The following HHAT variants were observed in gnomAD, a reference collection of about 807,000 sequenced individuals.
The protein encoded by HHAT is hedgehog acyltransferase.
Under a neutral mutation model 70.8 loss-of-function variants are expected in HHAT, and 47 were observed. That is an observed-to-expected ratio of 0.66 (90% CI 0.53 to 0.85). HHAT has a LOEUF of 0.85. HHAT is among the 40% of genes least tolerant of loss of function. The pLI, the probability that HHAT is intolerant of heterozygous loss-of-function variation, is 0.00. For synonymous variants in HHAT, 228 were observed against 247.6 expected (o/e 0.92, Z 0.74); for missense variants, 609 against 604.8 (o/e 1.01, Z -0.07).
At chr1:210,454,099 C>A (rs1272585653) in intron 7 of HHAT, among the ~76,000 whole-genome samples, 1 of 152,122 alleles carries the variant, frequency 6.6e-6, no homozygotes, top group Non-Finnish European at 1.5e-5. Context: ...AAAGACTGGC[C>A]CCCGTGATTC....
chr1:210,466,902 C>G (rs1378092871), intron 8 of HHAT, among the ~76,000 whole-genome samples: 2 of 152,152 alleles, frequency 1.3e-5, no homozygotes, highest in Admixed American at 6.5e-5. Flanking sequence ...GCTGCTGAAA[C>G]AGTCTCTCCT....
intron 9 of HHAT, among the ~76,000 whole-genome samples, chr1:210,526,931 G>A (rs1261037216): frequency 6.6e-6 from 1 of 152,078 alleles, no homozygotes; most frequent in Non-Finnish European, 1.5e-5. Context: ...CACTTAGATG[G>A]GGACACTAGG....
intron 8 of HHAT, among the ~76,000 whole-genome samples, chr1:210,467,211 T>C (rs1019597212): frequency 1.3e-5 from 2 of 152,228 alleles, no homozygotes; most frequent in Non-Finnish European, 2.9e-5. Flanking sequence ...CATTCCATAC[T>C]AAGTAGTTAA....
chr1:210,367,993 C>T (rs571221791), intron 3 of HHAT, among the ~76,000 whole-genome samples: 1 of 144,684 alleles, frequency 6.9e-6, no homozygotes, highest in East Asian at 2.2e-4. Context: ...GGTGATCTGT[C>T]GTTGTATTTG....
chr1:210,344,720 G>T (rs2086356088), intron 1 of HHAT, among the ~76,000 whole-genome samples: 1 of 152,048 alleles, frequency 6.6e-6, no homozygotes, highest in Non-Finnish European at 1.5e-5. Flanking sequence ...GGGTCTTTAG[G>T]CTCCTTCAGC....
rs2294849 is a variant in HHAT, at chr1:210,418,275, C to T, written c.806C>T (p.Ala269Val). 1 of 1,612,256 alleles carries T rather than the reference C, an allele frequency of 6.2e-7. No homozygotes were observed. The highest frequency in any genetic ancestry group is 8.5e-7 in the Non-Finnish European group (1 of 1,179,164). Reference protein sequence around the residue: ...ELMAHLMYMHAIYSSIPLLET... With the variant: ...ELMAHLMYMHVIYSSIPLLET... ...ATGGCTCACCTGATGTACATGCATG[C>T]CATCTACAGCAGCATCCCCCTCCTG... The change falls in exon 7 of 12, where the codon GCC becomes GTC. Residue 269 changes from alanine (A) to valine (V), a missense_variant. Ala to Val is a moderately conservative substitution (Grantham distance 64). Transcript: ENST00000261458.
intron 1 of HHAT, among the ~76,000 whole-genome samples, chr1:210,340,242 G>GGGGGGAAAAAAAAAAAAAA (rs1553313987): frequency 2.0e-5 from 2 of 99,784 alleles, no homozygotes; most frequent in African/African-American, 6.8e-5. Flanking sequence ...CTCTGTCTCA[G>GGGGGGAAAAAAAAAAAAAA]AAAAAAAAAA....
intron 11 of HHAT, among the ~76,000 whole-genome samples, chr1:210,666,896 T>C (rs1286546746): frequency 6.6e-6 from 1 of 151,576 alleles, no homozygotes; most frequent in Non-Finnish European, 1.5e-5. Flanking sequence ...ACCGAGACCA[T>C]GGTGAAACCC....
chr1:210,611,748 A>G (rs1471561665), intron 10 of HHAT, among the ~76,000 whole-genome samples: 2 of 152,140 alleles, frequency 1.3e-5, no homozygotes, highest in African/African-American at 4.8e-5. Context: ...CCTTTTCTGC[A>G]TCTATTGTGA....
intron 9 of HHAT, among the ~76,000 whole-genome samples, chr1:210,570,595 T>C (rs1237669550): frequency 6.6e-6 from 1 of 152,034 alleles, no homozygotes; most frequent in Non-Finnish European, 1.5e-5. Context: ...GGAGTGCGTG[T>C]GGAGTGGAGC....
In HHAT at chr1:210,500,204, G is replaced by A. The variant is rs79869185; in HGVS notation, c.1008-12949G>A. On this transcript the variant is annotated intron_variant, in intron 8 of 11. Coordinates refer to ENST00000261458, the MANE Select transcript of HHAT (RefSeq NM_018194.6). ...TGATGTCTACTTTTCAAACCATAAC[G>A]AACAGATTCATCAAACACATGTCAT... is the stretch of plus-strand genomic sequence containing the variant. 4.2e-4 allele frequency among the ~76,000 whole-genome samples: 64 copies of A among 152,286 alleles called. 2 individuals are homozygous for A. Among genetic ancestry groups the A allele is most frequent in the African/African-American group, 1.3e-3 (56 of 41,556 alleles).
At chr1:210,408,703 C>T (rs1029194050) in intron 6 of HHAT, among the ~76,000 whole-genome samples, 7 of 152,110 alleles carry the variant, frequency 4.6e-5, no homozygotes, top group Admixed American at 2.0e-4. Flanking sequence ...GGGGGCAGTC[C>T]AAGAGTTGCT....
In HHAT at chr1:210,602,711, C is replaced by T. The variant is rs181433583; in HGVS notation, c.1245+14612C>T. On this transcript the variant is annotated intron_variant, in intron 10 of 11. Coordinates refer to ENST00000261458, the MANE Select transcript of HHAT (RefSeq NM_018194.6). ...GTTGTGCCAGCTTATTAGTGCTCACCCGGGCCTCTGGGTCTGGAAAAAAGC... is the reference window on the plus strand; with the variant it reads ...GTTGTGCCAGCTTATTAGTGCTCACTCGGGCCTCTGGGTCTGGAAAAAAGC... 2.4e-3 allele frequency among the ~76,000 whole-genome samples: 364 copies of T among 151,024 alleles called. 5 individuals carry two copies. The highest frequency in any genetic ancestry group is 8.3e-3 in the African/African-American group (340 of 40,832).
chr1:210,541,207 A>G lies in HHAT; in HGVS notation c.1043+28019A>G, dbSNP rs181302820. On this transcript the variant is annotated intron_variant, in intron 9 of 11. Coordinates refer to ENST00000261458, the MANE Select transcript of HHAT (RefSeq NM_018194.6). ...TTTATTTTATATTAAAAAAATAGAG[A>G]CAATACTGAGCAATGTTTCTGAATG... Among the ~76,000 whole-genome samples the G allele has an allele frequency of 3.9e-5, 6 of 152,258 alleles. No individual in the cohort carries two copies. The East Asian group carries it at 1.2e-3, about 29-fold the overall frequency.
intron 11 of HHAT, among the ~76,000 whole-genome samples, chr1:210,631,915 A>G (rs546580556): frequency 4.6e-4 from 70 of 152,344 alleles, no homozygotes; most frequent in Non-Finnish European, 7.1e-4. Flanking sequence ...ACTTTTCATT[A>G]TCTTGAAACA....
chr1:210,569,323 G>A (rs1395757625), intron 9 of HHAT, among the ~76,000 whole-genome samples: 3 of 130,164 alleles, frequency 2.3e-5, no homozygotes, highest in Non-Finnish European at 4.7e-5. Context: ...GCAGTAAGCC[G>A]AGATTGTGCC....
At chr1:210,513,477 G>A (rs760604450) in intron 9 of HHAT, among the ~76,000 whole-genome samples, 13 of 152,124 alleles carry the variant, frequency 8.5e-5, no homozygotes, top group Non-Finnish European at 1.8e-4. Flanking sequence ...GAAAAATTAG[G>A]AGTGCCAGCT....
chr1:210,584,395 C>T (rs1255328210), intron 9 of HHAT, among the ~76,000 whole-genome samples: 1 of 151,972 alleles, frequency 6.6e-6, no homozygotes, highest in African/African-American at 2.4e-5. Flanking sequence ...GTTTGATTAC[C>T]CTATTTTATT....
upstream of HHAT, among the ~76,000 whole-genome samples, chr1:210,327,829 G>C (rs1298506411): frequency 2.0e-5 from 3 of 152,156 alleles, no homozygotes; most frequent in Admixed American, 6.5e-5. Context: ...AATTGAGTAT[G>C]CTGTATTTTT....
Sources: gnomAD v4.1 joint callset for allele counts (sites outside exome capture counted in the v4.1 genomes callset) on GRCh38, gnomAD v4.1.1 for gene constraint, MANE v1.5 for transcripts, NCBI Gene and HGNC (gene_info 2026-07-23, HGNC 2026-07-21) for gene names.